The following DYM variants were observed in gnomAD, a reference collection of about 807,000 sequenced individuals.
The protein encoded by DYM is dyggve-Melchior-Clausen syndrome protein.
Under a neutral mutation model 93.1 loss-of-function variants are expected in DYM, and 78 were observed. The ratio of observed to expected loss-of-function variants is 0.84; its 90% CI spans 0.70 to 1.01. DYM has a LOEUF of 1.01. Among genes scored for constraint, DYM ranks in the 50% least tolerant of loss-of-function variants. DYM has a pLI of 0.00. For synonymous variants in DYM, 321 were observed against 319.7 expected, an observed-to-expected ratio of 1.00 and a Z score of -0.04; for missense variants, 789 against 845.0, an observed-to-expected ratio of 0.93 and a Z score of 0.82.
At chr18:49,324,435 A>AT (rs1465536899) in intron 8 of DYM, among the ~76,000 whole-genome samples, 1 of 152,180 alleles carries the variant, frequency 6.6e-6, no homozygotes, top group Non-Finnish European at 1.5e-5. Context: ...TACCATAGTG[A>AT]TTGTTGTCAA....
intron 17 of DYM, among the ~76,000 whole-genome samples, chr18:49,075,222 T>C (rs1032614686): frequency 6.6e-6 from 1 of 152,184 alleles, no homozygotes; most frequent in Admixed American, 6.5e-5. Flanking sequence ...CTCTTTCAGT[T>C]GCTTTCTCTT....
At chr18:49,119,181 T>C (rs1239562229) in intron 15 of DYM, among the ~76,000 whole-genome samples, 2 of 152,210 alleles carry the variant, frequency 1.3e-5, no homozygotes, top group Non-Finnish European at 2.9e-5. Context: ...GACTTACCAA[T>C]CTAGAGGGAA....
intron 2 of DYM, among the ~76,000 whole-genome samples, chr18:49,395,435 G>A (rs565180205): frequency 6.6e-6 from 1 of 152,140 alleles, no homozygotes; most frequent in East Asian, 1.9e-4. Context: ...TTCAAGACCA[G>A]CCTGACCAAC....
chr18:49,119,617 T>C (rs1041425755), intron 15 of DYM, among the ~76,000 whole-genome samples: 7 of 152,200 alleles, frequency 4.6e-5, no homozygotes, highest in Non-Finnish European at 8.8e-5. Flanking sequence ...TGGTTCTCAA[T>C]GTATGTAAAG....
At chr18:49,254,192 C>G (rs925364353) in intron 13 of DYM, among the ~76,000 whole-genome samples, 1 of 151,256 alleles carries the variant, frequency 6.6e-6, no homozygotes, top group Non-Finnish European at 1.5e-5. Flanking sequence ...CCATTCACCC[C>G]CTCCATAGCA....
intron 6 of DYM, among the ~76,000 whole-genome samples, chr18:49,335,480 A>T (rs1179730869): frequency 2.0e-5 from 3 of 152,212 alleles, no homozygotes; most frequent in African/African-American, 7.2e-5. Context: ...AAAAAATTTA[A>T]AAAATAAAAT....
At chr18:49,220,177 T>C (rs1450927771) in intron 13 of DYM, among the ~76,000 whole-genome samples, 2 of 151,926 alleles carry the variant, frequency 1.3e-5, no homozygotes, top group Admixed American at 6.6e-5. Context: ...GAATAAAATA[T>C]CTAGGAATCC....
At chr18:49,272,061 C>A in intron 11 of DYM, 117 bp downstream of exon 11, 16 of 740,354 alleles carry the variant, frequency 2.2e-5, no homozygotes, top group East Asian at 3.1e-5. Context: ...CATAACATTT[C>A]TAATACAGGT....
intron 17 of DYM, among the ~76,000 whole-genome samples, chr18:49,071,039 T>C (rs569592500): frequency 1.3e-5 from 2 of 152,318 alleles, no homozygotes; most frequent in Admixed American, 1.3e-4. Flanking sequence ...ACAAAAATAA[T>C]CACTGATTTT....
Position 49,430,451 on chromosome 18 carries a change from T to C in DYM, c.-53-4A>G, listed in dbSNP as rs545770552. Reference sequence around the variant, plus strand: ...ACCTGCATTTCCAAAAGACAACCTATAAAAAATAAAAATAAAAACTTTAAA... The same window carrying C: ...ACCTGCATTTCCAAAAGACAACCTACAAAAAATAAAAATAAAAACTTTAAA... On this transcript the variant is annotated splice_polypyrimidine_tract_variant and splice_region_variant and intron_variant, in intron 1 of 17. Coordinates refer to ENST00000675505, the MANE Select transcript of DYM (RefSeq NM_001353214.3). 4.4e-5 allele frequency: 71 copies of C among 1,601,452 alleles called. 1 individual carries two copies. The African/African-American group carries it at 7.0e-4, about 16-fold the overall frequency.
intron 16 of DYM, among the ~76,000 whole-genome samples, chr18:49,108,292 G>C (rs1226227916): frequency 6.6e-6 from 1 of 152,192 alleles, no homozygotes; most frequent in South Asian, 2.1e-4. Context: ...CGATTTTCCA[G>C]GTGCCGTCTG....
intron 15 of DYM, among the ~76,000 whole-genome samples, chr18:49,145,028 G>A (rs1367074529): frequency 6.8e-6 from 1 of 146,832 alleles, no homozygotes; most frequent in East Asian, 2.0e-4. Flanking sequence ...TGAGCTCAGG[G>A]GTTCAAGGCT....
intron 3 of DYM, among the ~76,000 whole-genome samples, chr18:49,389,011 A>G (rs903327037): frequency 6.6e-6 from 1 of 152,072 alleles, no homozygotes; most frequent in African/African-American, 2.4e-5. Context: ...GTACACTCAC[A>G]TAGCCCTTAA....
chr18:49,438,888 G>A lies in DYM; in HGVS notation c.-53-8441C>T, dbSNP rs1170469389. ...GGATTCCAAACACACACGCACAATC[G>A]TCGGCTCCCAATTTATTTGGAACTC... On this transcript the variant is annotated intron_variant, in intron 1 of 17. Transcript: ENST00000675505. Among the ~76,000 whole-genome samples, 9 of 152,106 alleles carry A rather than the reference G, an allele frequency of 5.9e-5. No individual in the cohort carries two copies. In the East Asian group the frequency reaches 9.6e-4, roughly 16 times the overall value.
chr18:49,143,702 C>A (rs1408928726), intron 15 of DYM, among the ~76,000 whole-genome samples: 1 of 152,094 alleles, frequency 6.6e-6, no homozygotes, highest in African/African-American at 2.4e-5. Context: ...GTTGAGTATA[C>A]AGTTCAGTGA....
intron 6 of DYM, among the ~76,000 whole-genome samples, chr18:49,343,951 TAA>T (rs59054000): frequency 1.8e-4 from 25 of 135,236 alleles, no homozygotes; most frequent in Non-Finnish European, 1.1e-4. Context: ...TACACCACAT[TAA>T]AAAAAAAAAA....
chr18:49,153,409 A>C (rs992211930), intron 15 of DYM, among the ~76,000 whole-genome samples: 7 of 152,172 alleles, frequency 4.6e-5, no homozygotes, highest in African/African-American at 1.4e-4. Flanking sequence ...CAGTTTCTTC[A>C]ATATGAAAGT....
chr18:49,166,979 T>A (rs982422705), intron 14 of DYM, among the ~76,000 whole-genome samples: 2 of 140,720 alleles, frequency 1.4e-5, no homozygotes, highest in Non-Finnish European at 3.1e-5. Context: ...GGATGTTCAT[T>A]CTCACATTCC....
chr18:49,220,552 C>G (rs1168358254), intron 13 of DYM, among the ~76,000 whole-genome samples: 2 of 151,174 alleles, frequency 1.3e-5, no homozygotes, highest in African/African-American at 2.4e-5. Context: ...GGTACCAAAA[C>G]AGAGATATAG....
Sources: allele counts gnomAD v4.1 joint callset (sites outside exome capture counted in the v4.1 genomes callset), GRCh38; gene constraint gnomAD v4.1.1; transcripts MANE v1.5; gene names NCBI Gene and HGNC (gene_info 2026-07-23, HGNC 2026-07-21).